The following PTPRN2 variants were observed in gnomAD, a reference collection of about 807,000 sequenced individuals.
PTPRN2 encodes protein tyrosine phosphatase receptor type N2.
A neutral mutation model predicts 118.8 loss-of-function variants in PTPRN2; 74 were observed. The observed-to-expected ratio is 0.62, with a 90% CI of 0.52 to 0.76. The LOEUF is 0.76. Among genes scored for constraint, PTPRN2 ranks in the 30% least tolerant of loss-of-function variants. The probability of loss-of-function intolerance (pLI) is 0.00; values close to 1 mark genes in which losing one functional copy is unlikely to be tolerated. For synonymous variants in PTPRN2, 641 were observed against 608.0 expected, an observed-to-expected ratio of 1.05 and a Z score of -0.80; for missense variants, 1,481 against 1,394.4, an observed-to-expected ratio of 1.06 and a Z score of -0.99.
chr7:157,689,308 C>T (rs1273135833), intron 12 of PTPRN2, among the ~76,000 whole-genome samples: 2 of 152,214 alleles, frequency 1.3e-5, no homozygotes, highest in African/African-American at 4.8e-5. Flanking sequence ...ACCCTGCGCT[C>T]CGGACTCCAG....
At chr7:158,057,538 G>C (rs953385207) in intron 11 of PTPRN2, among the ~76,000 whole-genome samples, 1 of 152,186 alleles carries the variant, frequency 6.6e-6, no homozygotes, top group Non-Finnish European at 1.5e-5. Flanking sequence ...TTCTTTCCTA[G>C]TCTGTGTTTG....
Position 157,745,267 on chromosome 7 carries a change from C to T in PTPRN2, c.1789-62330G>A, listed in dbSNP as rs1800853659. Among the ~76,000 whole-genome samples the T allele has an allele frequency of 2.0e-5, 3 of 152,310 alleles. No individual in the cohort carries two copies. In the South Asian group the frequency reaches 6.2e-4, roughly 32 times the overall value. On this transcript the variant is annotated intron_variant, in intron 12 of 22. Transcript: ENST00000389418. ...CAGGTCCTTCTGTGTATGTCTCAGC[C>T]CAGGTCATCACAGATCCAGCCAGTG...
chr7:157,788,000 A>G lies in PTPRN2; in HGVS notation c.1789-105063T>C, dbSNP rs924290055. ...ACGCAGCCGGGGCCTGGAGGCCGAC[A>G]CAAGCCAGACCCAGCCTCTCTGCCA... On this transcript the variant is annotated intron_variant, in intron 12 of 22. Transcript: ENST00000389418. The surrounding 1 kb of genome is among the most constrained non-coding windows in gnomAD (Gnocchi z 5.3). 6.6e-6 allele frequency among the ~76,000 whole-genome samples: 1 copy of G among 152,230 alleles called. No individual in the cohort carries two copies. Among genetic ancestry groups the G allele is most frequent in the Non-Finnish European group, 1.5e-5 (1 of 68,030 alleles).
At position 158,243,758 on chromosome 7, in the gene PTPRN2, T is replaced by C. The variant is rs1796026684; in HGVS notation, c.278-38485A>G. ...TTAGTACTAGGTACCTCCTGAGTCA[T>C]AGTCTCTGCTAAGTACTAAGCACTA... On this transcript the variant is annotated intron_variant, in intron 3 of 22. Coordinates refer to ENST00000389418, the MANE Select transcript of PTPRN2 (RefSeq NM_002847.5). Among the ~76,000 whole-genome samples the C allele has an allele frequency of 2.0e-5, 3 of 149,162 alleles. No individual in the cohort carries two copies. In the South Asian group the frequency reaches 6.5e-4, roughly 32 times the overall value.
intron 2 of PTPRN2, among the ~76,000 whole-genome samples, chr7:158,419,546 T>C (rs1815079671): frequency 1.3e-5 from 2 of 152,170 alleles, no homozygotes; most frequent in Non-Finnish European, 1.5e-5. Flanking sequence ...GTGGCTGCTC[T>C]CTTTCCCATT....
chr7:158,378,002 G>A (rs955169594), intron 2 of PTPRN2, among the ~76,000 whole-genome samples: 3 of 152,148 alleles, frequency 2.0e-5, no homozygotes, highest in Non-Finnish European at 2.9e-5. Context: ...CGGGTTTTCT[G>A]GGTGTAACAC....
Position 158,405,508 on chromosome 7 carries a change from C to T in PTPRN2, c.163+84227G>A, listed in dbSNP as rs552760709. ...ACAGAGCTGCAGCGTCCGACCGTCT[C>T]TCCTCCACACTGGAAGGGAACAACA... On this transcript the variant is annotated intron_variant, in intron 2 of 22. Transcript: ENST00000389418. 2.0e-5 allele frequency among the ~76,000 whole-genome samples: 3 copies of T among 152,378 alleles called. No individual in the cohort carries two copies. In the South Asian group the frequency reaches 6.2e-4, roughly 32 times the overall value.
intron 2 of PTPRN2, among the ~76,000 whole-genome samples, chr7:158,327,807 A>G (rs1586278985): frequency 6.6e-6 from 1 of 152,138 alleles, no homozygotes; most frequent in Non-Finnish European, 1.5e-5. Context: ...GCCCTGGGAC[A>G]CTGGAGCTGC....
At position 158,529,846 on chromosome 7, in the gene PTPRN2, C is replaced by T. The variant is rs150521255; in HGVS notation, c.113-40061G>A. Among the ~76,000 whole-genome samples the T allele has an allele frequency of 3.3e-3, 502 of 152,280 alleles. 4 individuals are homozygous for T. The highest frequency in any genetic ancestry group is 0.03 in the East Asian group (156 of 5,184). On this transcript the variant is annotated intron_variant, in intron 1 of 22. Transcript: ENST00000389418. This position sits in a 1 kb window ranked among gnomAD's most constrained non-coding sequence, Gnocchi z 4.7. ...CACACATGGACAAACACCACACACA[C>T]GTGTACATCACACATGCCACACACC...
intron 13 of PTPRN2, among the ~76,000 whole-genome samples, chr7:157,672,115 C>G (rs895499382): frequency 6.6e-6 from 1 of 152,078 alleles, no homozygotes; most frequent in African/African-American, 2.4e-5. Context: ...GGTGTCAGCT[C>G]TGCCGCCTCA....
chr7:157,778,804 A>G (rs750141096), intron 12 of PTPRN2, among the ~76,000 whole-genome samples: 3 of 152,084 alleles, frequency 2.0e-5, no homozygotes, highest in Non-Finnish European at 2.9e-5. Context: ...GTCCACGTGA[A>G]TACAGGTGCC....
intron 22 of PTPRN2, among the ~76,000 whole-genome samples, chr7:157,544,282 C>T (rs887371999): frequency 5.3e-5 from 8 of 152,266 alleles, no homozygotes; most frequent in Middle Eastern, 3.4e-3. Context: ...GCGTGGACTG[C>T]GCTACGCGTG....
intron 11 of PTPRN2, among the ~76,000 whole-genome samples, chr7:158,063,686 A>C (rs1810535348): frequency 6.6e-6 from 1 of 152,180 alleles, no homozygotes; most frequent in Non-Finnish European, 1.5e-5. Flanking sequence ...CACCAGAAAG[A>C]AGAAAATCTG....
At chr7:158,277,171 G>A (rs2150987695) in intron 3 of PTPRN2, among the ~76,000 whole-genome samples, 1 of 152,322 alleles carries the variant, frequency 6.6e-6, no homozygotes, top group Middle Eastern at 3.4e-3. Context: ...ACATAAACAT[G>A]CTCTTCTCAC....
chr7:158,334,577 G>C (rs190245542), intron 2 of PTPRN2, among the ~76,000 whole-genome samples: 3 of 103,208 alleles, frequency 2.9e-5, no homozygotes, highest in African/African-American at 1.0e-4. Flanking sequence ...CTCGCCCACA[G>C]AGGTCACTCA....
chr7:158,416,898 T>C (rs1361975791), intron 2 of PTPRN2, among the ~76,000 whole-genome samples: 3 of 152,176 alleles, frequency 2.0e-5, no homozygotes, highest in Non-Finnish European at 2.9e-5. Context: ...AAGCACAAAA[T>C]GTTGGAGGGC....
chr7:157,963,708 C>T (rs4019380), intron 11 of PTPRN2, among the ~76,000 whole-genome samples: 63,030 of 152,124 alleles, frequency 0.41, 13,356 homozygotes, highest in Admixed American at 0.47. Flanking sequence ...CCAGGGCAGA[C>T]GATGCCGCTT....
Position 158,399,105 on chromosome 7 carries a change from T to C in PTPRN2, c.164-82173A>G, listed in dbSNP as rs141999745. On this transcript the variant is annotated intron_variant, in intron 2 of 22. Coordinates refer to ENST00000389418, the MANE Select transcript of PTPRN2 (RefSeq NM_002847.5). ...GTCTTATGTATTTGCTTAGTGTCCA[T>C]AGTCTCTCTTCATTTCATGCTGTCT... is the stretch of plus-strand genomic sequence containing the variant. Among the ~76,000 whole-genome samples the C allele has an allele frequency of 5.5e-4, 84 of 152,352 alleles. No individual in the cohort carries two copies. In the East Asian group the frequency reaches 6.6e-3, roughly 12 times the overall value.
intron 12 of PTPRN2, among the ~76,000 whole-genome samples, chr7:157,781,009 C>T (rs1240502475): frequency 2.0e-5 from 3 of 152,222 alleles, no homozygotes; most frequent in Non-Finnish European, 4.4e-5. Context: ...GCCACAATCA[C>T]CCCACATCCT....
Sources: allele counts gnomAD v4.1 joint callset (sites outside exome capture counted in the v4.1 genomes callset), GRCh38; gene constraint gnomAD v4.1.1; non-coding constraint Gnocchi (gnomAD v3.1); transcripts MANE v1.5; gene names NCBI Gene and HGNC (gene_info 2026-07-23, HGNC 2026-07-21).